The following GRAMD1B variants were observed in gnomAD, a reference collection of about 807,000 sequenced individuals.
GRAMD1B encodes protein Aster-B.
In GRAMD1B, 37 loss-of-function variants were observed where a neutral mutation model predicts 99.7. That is an observed-to-expected ratio of 0.37 (90% CI 0.29 to 0.49). The LOEUF is 0.49. Among genes scored for constraint, GRAMD1B ranks in the 20% least tolerant of loss-of-function variants. GRAMD1B has a pLI of 0.98. For synonymous variants in GRAMD1B, 427 were observed against 387.6 expected (o/e 1.10, Z -1.19); for missense variants, 888 against 1,009.2 (o/e 0.88, Z 1.63).
At chr11:123,586,300 C>T (rs895962572) in intron 4 of GRAMD1B, among the ~76,000 whole-genome samples, 3 of 152,174 alleles carry the variant, frequency 2.0e-5, no homozygotes, top group African/African-American at 4.8e-5. Context: ...TGGACCTCAG[C>T]GACTCTGCAT....
intron 2 of GRAMD1B, among the ~76,000 whole-genome samples, chr11:123,482,823 C>T (rs1403844712): frequency 6.6e-6 from 1 of 152,084 alleles, no homozygotes; most frequent in African/African-American, 2.4e-5. Context: ...CTTTGGGAAG[C>T]CAAGGTAGGC....
At chr11:123,597,542 C>T (rs1448822402) in intron 7 of GRAMD1B, among the ~76,000 whole-genome samples, 1 of 152,062 alleles carries the variant, frequency 6.6e-6, no homozygotes, top group Admixed American at 6.6e-5. Context: ...GGGTAATACT[C>T]ATTCAGGGAA....
rs61906289 is a variant in GRAMD1B at position 123,583,374 on chromosome 11, C to T, written c.664-938C>T. The stretch of plus-strand genomic sequence containing the variant: ...GTGCATGTGTGTATGTGTGTGTGCA[C>T]GTGTGTGGTGTGTATGTGTGCGTGT... On this transcript the variant is annotated intron_variant, in intron 3 of 19. Coordinates refer to ENST00000635736, the MANE Select transcript of GRAMD1B (RefSeq NM_001387025.1). 4.4e-3 allele frequency among the ~76,000 whole-genome samples: 591 copies of T among 133,634 alleles called. 4 individuals carry two copies. The highest frequency in any genetic ancestry group is 6.4e-3 in the Non-Finnish European group (401 of 63,056). The allele number at this position is 133,634 out of a possible 152,430, so 87.7% of individuals were successfully genotyped here. A position where few individuals can be genotyped will look rare whatever the true frequency, so the allele number is the denominator to read the frequency against.
chr11:123,496,502 C>T (rs1939287963), intron 2 of GRAMD1B, among the ~76,000 whole-genome samples: 1 of 151,922 alleles, frequency 6.6e-6, no homozygotes, highest in Admixed American at 6.6e-5. Context: ...TGATATCTTT[C>T]TCTAGGTTTG....
chr11:123,450,715 G>A (rs1396776924), intron 1 of GRAMD1B, among the ~76,000 whole-genome samples: 2 of 152,322 alleles, frequency 1.3e-5, no homozygotes, highest in South Asian at 4.1e-4. Context: ...CACTGATAGT[G>A]GGACTTCATT....
At chr11:123,391,408 C>T (rs917033734) in intron 1 of GRAMD1B, among the ~76,000 whole-genome samples, 10 of 152,106 alleles carry the variant, frequency 6.6e-5, no homozygotes, top group African/African-American at 2.4e-4. Flanking sequence ...AATCTCTCTG[C>T]CGAGATCACT....
At chr11:123,467,811 C>G (rs1950767491) in intron 1 of GRAMD1B, among the ~76,000 whole-genome samples, 1 of 148,362 alleles carries the variant, frequency 6.7e-6, no homozygotes, top group Admixed American at 6.7e-5. Context: ...CTTTTTCTTT[C>G]TTTTCTTTTC....
intron 3 of GRAMD1B, chr11:123,578,332 G>T (rs774358897): frequency 2.9e-4 from 362 of 1,243,684 alleles, no homozygotes; most frequent in Non-Finnish European, 3.8e-4. Flanking sequence ...ACTTGAATTT[G>T]TCTTTTGATT....
In GRAMD1B at chr11:123,364,258, T is replaced by C. The variant is rs78555889; in HGVS notation, c.-176+5459T>C. 1.8e-4 allele frequency among the ~76,000 whole-genome samples: 28 copies of C among 152,356 alleles called. No individual in the cohort carries two copies. In the East Asian group the frequency reaches 5.2e-3, roughly 28 times the overall value. On this transcript the variant is annotated intron_variant, in intron 1 of 20. Coordinates refer to the GRAMD1B transcript ENST00000638157. ...AGTTGGACTCGGAAAGGAGCGCTTC[T>C]TCCTACCAGCTAGCCTTGTAGTGGC...
At chr11:123,511,351 G>A (rs1347126548) in intron 2 of GRAMD1B, among the ~76,000 whole-genome samples, 4 of 152,166 alleles carry the variant, frequency 2.6e-5, no homozygotes, top group Non-Finnish European at 4.4e-5. Context: ...TGCCCCAATG[G>A]CAGTGCGGGC....
Position 123,624,320 on chromosome 11 carries a change from C to T in GRAMD1B, c.*1725C>T, listed in dbSNP as rs1955376216. 1 of 152,200 alleles carries T rather than the reference C, an allele frequency of 6.6e-6. No homozygotes were observed. The highest frequency in any genetic ancestry group is 2.4e-5 in the African/African-American group (1 of 41,456). The allele number at this position is 152,200 out of a possible 1,614,324, so 9.4% of individuals were successfully genotyped here. On this transcript the variant is annotated 3_prime_UTR_variant, in exon 20 of 20. Coordinates refer to ENST00000635736, the MANE Select transcript of GRAMD1B (RefSeq NM_001387025.1). ...TTTTCTTAGAATGGCCTTTAATTCC[C>T]TGTGGCAATTACAGTTTTTGACTTT...
chr11:123,535,056 AGAG>A (rs1943821127), intron 2 of GRAMD1B, among the ~76,000 whole-genome samples: 4 of 152,130 alleles, frequency 2.6e-5, no homozygotes, highest in African/African-American at 9.7e-5. Flanking sequence ...AAAGTGAGGC[AGAG>A]GCCTGGGCTG....
chr11:123,430,703 C>G lies in GRAMD1B; in HGVS notation c.-90C>G, dbSNP rs979596740. ...TCGGCCCCAGGATTGGGGAGTGTGC[C>G]GCGGGGCCGAGGGTGGGGAACAGCC... On this transcript the variant is annotated 5_prime_UTR_variant, in exon 1 of 20. Coordinates refer to ENST00000635736, the MANE Select transcript of GRAMD1B (RefSeq NM_001387025.1). 3.4e-6 allele frequency: 2 copies of G among 584,952 alleles called. No homozygotes were observed. The highest frequency in any genetic ancestry group is 4.5e-4 in the Middle Eastern group (1 of 2,224). 36.2% of individuals were successfully genotyped at this position (584,952 alleles called of 1,614,324 possible).
intron 1 of GRAMD1B, among the ~76,000 whole-genome samples, chr11:123,410,022 C>T (rs922872515): frequency 2.6e-5 from 4 of 152,110 alleles, no homozygotes; most frequent in African/African-American, 9.7e-5. Context: ...TGTTCTCCAT[C>T]TCTGCCTTGT....
chr11:123,368,980 G>GAA (rs143161090), intron 1 of GRAMD1B, among the ~76,000 whole-genome samples: 5 of 151,676 alleles, frequency 3.3e-5, no homozygotes, highest in African/African-American at 1.2e-4. Flanking sequence ...GGGGAAGAAA[G>GAA]AAAAAAAATG....
chr11:123,472,556 G>T (rs1565528362), intron 1 of GRAMD1B, among the ~76,000 whole-genome samples: 1 of 152,178 alleles, frequency 6.6e-6, no homozygotes. Flanking sequence ...GGTTTAATAG[G>T]CGAAAGAAAG....
chr11:123,528,049 T>G (rs996332259), intron 2 of GRAMD1B, among the ~76,000 whole-genome samples: 11 of 152,220 alleles, frequency 7.2e-5, no homozygotes, highest in African/African-American at 1.9e-4. Context: ...TGTTAGATCC[T>G]GTGACCCACT....
chr11:123,524,117 G>A (rs527808636), intron 2 of GRAMD1B, among the ~76,000 whole-genome samples: 1 of 151,990 alleles, frequency 6.6e-6, no homozygotes, highest in Non-Finnish European at 1.5e-5. Flanking sequence ...GTTTTAGTTC[G>A]GTTTGAGTAA....
chr11:123,616,776 CA>C (rs1487800401), intron 17 of GRAMD1B, among the ~76,000 whole-genome samples: 1 of 152,246 alleles, frequency 6.6e-6, no homozygotes, highest in Non-Finnish European at 1.5e-5. Context: ...AGACAGCACA[CA>C]GGGGTATCCC....
Sources: gnomAD v4.1 joint callset for allele counts (sites outside exome capture counted in the v4.1 genomes callset) on GRCh38, gnomAD v4.1.1 for gene constraint, MANE v1.5 for transcripts, NCBI Gene and HGNC (gene_info 2026-07-23, HGNC 2026-07-21) for gene names.